The following CTCF variants were observed in gnomAD, a reference collection of about 807,000 sequenced individuals.
CTCF encodes the protein transcriptional repressor CTCF.
A neutral mutation model predicts 72.3 loss-of-function variants in CTCF; 7 were observed. The ratio of observed to expected loss-of-function variants is 0.10; its 90% confidence interval spans 0.06 to 0.18. The LOEUF (loss-of-function observed/expected upper bound fraction) is 0.18. Ranked by LOEUF, CTCF falls within the 10% of genes least tolerant of loss-of-function variation. The pLI, the probability that CTCF is intolerant of heterozygous loss-of-function variation, is 1.00. For synonymous variants in CTCF, 374 were observed against 315.8 expected (o/e 1.18, Z -1.95); for missense variants, 516 against 949.1 (o/e 0.54, Z 6.00).
rs1375574185 is a variant in CTCF, at chr16:67,636,869, G to C, written c.1999+18G>C. ...GAACCAGCGTAAGTTGTTCATCTCT[G>C]CTCTGGAGGCTGGCGTCTTCTCCGA... On this transcript the variant is annotated intron_variant, in intron 11 of 11. Transcript: ENST00000264010. The C allele has an allele frequency of 6.7e-7, 1 of 1,482,120 alleles. No individual in the cohort carries two copies. 91.8% of individuals were successfully genotyped at this position (1,482,120 alleles called of 1,614,324 possible). A position where few individuals can be genotyped will look rare whatever the true frequency, so the allele number is the denominator to read the frequency against.
rs2052320206 is a variant in CTCF, at chr16:67,628,459, G to A, written c.1608G>A (p.Gln536=). The change falls in exon 9 of 12, where the codon CAG becomes CAA. Residue 536 remains glutamine, a synonymous_variant. Transcript: ENST00000264010. ...GCGATAAGACCTTCCGCCAGAAGCA[G>A]CTTCTCGACATGCACTTCAAGCGCT... ...SHCDKTFRQK[Q]LLDMHFKRYH... 6.2e-7 allele frequency: 1 copy of A among 1,614,240 alleles called. No individual in the cohort carries two copies.
chr16:67,569,271 C>T (rs1159502950), intron 1 of CTCF, among the ~76,000 whole-genome samples: 1 of 151,488 alleles, frequency 6.6e-6, no homozygotes, highest in Admixed American at 6.6e-5. Context: ...ATTGCAGCTC[C>T]GCCTCCTGGG....
chr16:67,624,442 G>A (rs1318268825), intron 7 of CTCF, among the ~76,000 whole-genome samples: 3 of 151,950 alleles, frequency 2.0e-5, no homozygotes, highest in African/African-American at 2.4e-5. Flanking sequence ...GTTCTTCATC[G>A]TTGACAGTAC....
chr16:67,610,150 T>A (rs1042346019), intron 2 of CTCF, among the ~76,000 whole-genome samples: 1 of 152,164 alleles, frequency 6.6e-6, no homozygotes, highest in Non-Finnish European at 1.5e-5. Context: ...CTTCTTGTTA[T>A]CTATTTGCAG....
chr16:67,591,832 C>G (rs1287786170), intron 2 of CTCF, among the ~76,000 whole-genome samples: 1 of 151,974 alleles, frequency 6.6e-6, no homozygotes, highest in Non-Finnish European at 1.5e-5. Context: ...CGCCTCAGTC[C>G]CGAGTAGCTG....
intron 2 of CTCF, among the ~76,000 whole-genome samples, chr16:67,594,823 C>T (rs1295151762): frequency 1.3e-5 from 2 of 152,126 alleles, no homozygotes; most frequent in Non-Finnish European, 2.9e-5. Flanking sequence ...GGCATAGTTA[C>T]TGCCCTTAAA....
intron 2 of CTCF, among the ~76,000 whole-genome samples, chr16:67,603,896 A>G (rs1302516937): frequency 6.6e-6 from 1 of 151,566 alleles, no homozygotes; most frequent in Admixed American, 6.6e-5. Context: ...TGGGAGGCTG[A>G]GGCGGGCAGA....
At chr16:67,586,225 C>T (rs998194607) in intron 2 of CTCF, among the ~76,000 whole-genome samples, 2 of 152,010 alleles carry the variant, frequency 1.3e-5, no homozygotes, top group African/African-American at 4.8e-5. Context: ...ACATAGAAAA[C>T]CCCATTTCTA....
intron 4 of CTCF, chr16:67,615,995 A>G (rs2052127402): frequency 6.6e-6 from 1 of 152,216 alleles, no homozygotes; most frequent in African/African-American, 2.4e-5. Context: ...GATGGTCACT[A>G]GTCTGTGAAA....
chr16:67,563,153 G>C (rs956073851), intron 1 of CTCF: 11 of 152,344 alleles, frequency 7.2e-5, no homozygotes, highest in African/African-American at 2.4e-4. Context: ...CCGCGTCCCG[G>C]CTTCGGCGCC....
At position 67,616,764 on chromosome 16, in the gene CTCF, C is replaced by T. The variant is rs1401280176; in HGVS notation, c.972C>T (p.Cys324=). 2 of 1,614,044 alleles carry T rather than the reference C, an allele frequency of 1.2e-6. No homozygotes were observed. The highest frequency in any genetic ancestry group is 2.7e-5 in the African/African-American group (2 of 74,922). The part of the protein sequence containing the change: ...NTHTGTRPHK[C]PDCDMAFVTS... ...CTCTAGGTACTCGTCCTCACAAGTG[C>T]CCAGACTGCGACATGGCCTTTGTGA... Residue 324 remains cysteine (C), a synonymous_variant, in exon 5 of 12, where the codon TGC becomes TGT. Transcript: ENST00000264010.
chr16:67,631,841 G>T (rs904526290), intron 10 of CTCF, among the ~76,000 whole-genome samples: 1 of 151,854 alleles, frequency 6.6e-6, no homozygotes, highest in African/African-American at 2.4e-5. Flanking sequence ...GGTAGGCCAA[G>T]GCAGGCAGAT....
chr16:67,567,669 C>T (rs540845800), intron 1 of CTCF, among the ~76,000 whole-genome samples: 1 of 152,102 alleles, frequency 6.6e-6, no homozygotes, highest in South Asian at 2.1e-4. Flanking sequence ...TAGCTCACTG[C>T]AGCCTTGAAC....
chr16:67,625,686 CTTTT>C (rs1414030038), intron 7 of CTCF, among the ~76,000 whole-genome samples: 4 of 152,162 alleles, frequency 2.6e-5, no homozygotes, highest in East Asian at 1.9e-4. Context: ...CCAGATCTTT[CTTTT>C]GAGTTAGCCT....
intron 2 of CTCF, among the ~76,000 whole-genome samples, chr16:67,590,321 G>A (rs1219244880): frequency 6.6e-6 from 1 of 151,896 alleles, no homozygotes; most frequent in Non-Finnish European, 1.5e-5. Context: ...TCTTCAAGTA[G>A]CTGTTAGAAT....
At chr16:67,571,935 C>G (rs1345188578) in intron 2 of CTCF, among the ~76,000 whole-genome samples, 2 of 152,098 alleles carry the variant, frequency 1.3e-5, no homozygotes, top group Non-Finnish European at 2.9e-5. Context: ...TCATAAACAA[C>G]AAAGTGGGAT....
At chr16:67,601,128 T>C (rs2051880426) in intron 2 of CTCF, among the ~76,000 whole-genome samples, 1 of 151,910 alleles carries the variant, frequency 6.6e-6, no homozygotes, top group South Asian at 2.1e-4. Flanking sequence ...GTCCAGCCTA[T>C]TGGTTACTTA....
In CTCF at chr16:67,638,005, C is replaced by T; in HGVS notation, c.*133C>T. 1 of 772,684 alleles carries T rather than the reference C, an allele frequency of 1.3e-6. No individual in the cohort carries two copies. The highest frequency in any genetic ancestry group is 2.0e-6 in the Non-Finnish European group (1 of 501,910). The allele number at this position is 772,684 out of a possible 1,614,324, so 47.9% of individuals were successfully genotyped here. The stretch of plus-strand genomic sequence containing the variant: ...TTACCAAACATACCGAGAACGAAAA[C>T]TTCAAGGATGATGTTAGAAAAAAAT... On this transcript the variant is annotated 3_prime_UTR_variant, in exon 12 of 12. Transcript: ENST00000264010.
At chr16:67,635,005 TTTTG>T (rs901359985) in intron 10 of CTCF, among the ~76,000 whole-genome samples, 14 of 147,746 alleles carry the variant, frequency 9.5e-5, no homozygotes, top group Admixed American at 2.0e-4. Context: ...GCTGGGTAAA[TTTTG>T]TTTTTGTTTT....
Sources: gnomAD v4.1 joint callset for allele counts (sites outside exome capture counted in the v4.1 genomes callset) on GRCh38, gnomAD v4.1.1 for gene constraint, MANE v1.5 for transcripts, NCBI Gene and HGNC (gene_info 2026-07-23, HGNC 2026-07-21) for gene names.